TP63: variants seen among roughly 807,000 people sequenced by gnomAD.
The protein encoded by TP63 is tumor protein 63.
In TP63, 17 loss-of-function variants were observed where a neutral mutation model predicts 82.8. The observed-to-expected ratio is 0.21, with a 90% CI of 0.14 to 0.31. TP63 has a LOEUF of 0.31. Ranked by LOEUF, TP63 falls within the 10% of genes least tolerant of loss-of-function variation. TP63 has a pLI of 1.00. For synonymous variants in TP63, 330 were observed against 321.7 expected, an observed-to-expected ratio of 1.03 and a Z score of -0.28; for missense variants, 648 against 895.3, an observed-to-expected ratio of 0.72 and a Z score of 3.52.
At chr3:189,672,098 GTTATTC>G (rs1396215685) in intron 1 of TP63, among the ~76,000 whole-genome samples, 1 of 151,952 alleles carries the variant, frequency 6.6e-6, no homozygotes. Context: ...AAATATATTA[GTTATTC>G]TTATTTGATC....
At chr3:189,720,441 A>G (rs1242719304) in intron 1 of TP63, among the ~76,000 whole-genome samples, 4 of 152,198 alleles carry the variant, frequency 2.6e-5, no homozygotes, top group African/African-American at 9.7e-5. Context: ...TGTCTCCAAT[A>G]ACTTTAGATA....
chr3:189,766,783 C>T (rs1020215460), intron 3 of TP63, among the ~76,000 whole-genome samples: 3 of 152,150 alleles, frequency 2.0e-5, no homozygotes, highest in African/African-American at 7.2e-5. Context: ...AACCTACCTA[C>T]CACTTTGAAA....
At chr3:189,754,191 T>C (rs1338129095) in intron 3 of TP63, among the ~76,000 whole-genome samples, 2 of 152,112 alleles carry the variant, frequency 1.3e-5, no homozygotes, top group African/African-American at 2.4e-5. Flanking sequence ...TTTTTCTAAC[T>C]GGGACCATAA....
intron 4 of TP63, chr3:189,830,083 T>C: frequency 4.9e-6 from 1 of 202,450 alleles, no homozygotes; most frequent in South Asian, 7.7e-5. Flanking sequence ...TTAGTAGGGT[T>C]GGAATAGGAT....
intron 1 of TP63, among the ~76,000 whole-genome samples, chr3:189,688,946 G>A (rs913729498): frequency 1.3e-5 from 2 of 151,958 alleles, no homozygotes; most frequent in Non-Finnish European, 1.5e-5. Flanking sequence ...TACAATGGCA[G>A]CGACTAAGTC....
chr3:189,813,036 C>A (rs1168186588), intron 4 of TP63, among the ~76,000 whole-genome samples: 1 of 152,146 alleles, frequency 6.6e-6, no homozygotes, highest in South Asian at 2.1e-4. Context: ...CCGAAGCCTG[C>A]CCAAGCAGAT....
chr3:189,885,188 A>G (rs1220144182), intron 10 of TP63, among the ~76,000 whole-genome samples: 1 of 152,206 alleles, frequency 6.6e-6, no homozygotes, highest in Non-Finnish European at 1.5e-5. Context: ...AACAGACTAG[A>G]CACTTGCTTA....
At chr3:189,875,343 G>A (rs1718919980) in intron 10 of TP63, among the ~76,000 whole-genome samples, 1 of 151,652 alleles carries the variant, frequency 6.6e-6, no homozygotes. Context: ...CAAGGTGGGT[G>A]GATCACGAGG....
chr3:189,873,037 G>A, intron 10 of TP63, 42 bp downstream of exon 10: 1 of 1,613,766 alleles, frequency 6.2e-7, no homozygotes, highest in Non-Finnish European at 8.5e-7. Flanking sequence ...ATGAGTGAGG[G>A]TGACTTTATT....
At chr3:189,692,958 T>C (rs998783189) in intron 1 of TP63, among the ~76,000 whole-genome samples, 2 of 152,180 alleles carry the variant, frequency 1.3e-5, no homozygotes, top group Admixed American at 6.6e-5. Flanking sequence ...TCATGTCCTG[T>C]AAATGGACGA....
intron 1 of TP63, among the ~76,000 whole-genome samples, chr3:189,691,338 C>CAAAAAAAAAAAAAAAAAAAAAAAAAA (rs781098833): frequency 8.9e-5 from 6 of 67,106 alleles, no homozygotes; most frequent in Non-Finnish European, 1.7e-4. Context: ...GACTCCATCT[C>CAAAAAAAAAAAAAAAAAAAAAAAAAA]AAAAAAAAAA....
chr3:189,774,365 A>G (rs1245269757), intron 3 of TP63, among the ~76,000 whole-genome samples: 1 of 152,240 alleles, frequency 6.6e-6, no homozygotes, highest in East Asian at 1.9e-4. Flanking sequence ...CCTGTAGAAC[A>G]CAAATTTTAT....
chr3:189,619,563 T>C, the TP63 span, among the ~76,000 whole-genome samples: 2 of 152,172 alleles, frequency 1.3e-5, no homozygotes. Context: ...ACCAAAGATG[T>C]CCTCTGACTC....
rs146025054 is a variant in TP63 at position 189,864,985 on chromosome 3, C to T, written c.766+567C>T. 6.6e-3 allele frequency among the ~76,000 whole-genome samples: 995 copies of T among 151,460 alleles called. 2 individuals carry two copies. Among genetic ancestry groups the T allele is most frequent in the Non-Finnish European group, 0.01 (702 of 67,948 alleles). On this transcript the variant is annotated intron_variant, in intron 5 of 13. Transcript: ENST00000264731. ...TGGCACCACTGCACTCCAGTCTGGG[C>T]GACAGAGCGAGACTCCATCTCAAAA... is the stretch of plus-strand genomic sequence containing the variant.
intron 1 of TP63, among the ~76,000 whole-genome samples, chr3:189,655,631 G>T (rs998239645): frequency 6.6e-6 from 1 of 151,934 alleles, no homozygotes; most frequent in Admixed American, 6.6e-5. Context: ...CAAAAAAAAA[G>T]AAAAAATAAA....
intron 1 of TP63, among the ~76,000 whole-genome samples, chr3:189,714,196 C>T (rs1165271583): frequency 6.6e-6 from 1 of 152,146 alleles, no homozygotes; most frequent in African/African-American, 2.4e-5. Flanking sequence ...ACAGGACCCT[C>T]ATAAGGTGGA....
At chr3:189,606,170 C>A in the TP63 span, among the ~76,000 whole-genome samples, 1 of 152,252 alleles carries the variant, frequency 6.6e-6, no homozygotes, top group South Asian at 2.1e-4. Context: ...AGTCTAAATT[C>A]ACTCTACTTT....
At chr3:189,830,760 G>T (rs991595502) in intron 4 of TP63, among the ~76,000 whole-genome samples, 3 of 152,054 alleles carry the variant, frequency 2.0e-5, no homozygotes, top group Admixed American at 1.3e-4. Context: ...AATATGTGAC[G>T]CAAGAAAAAA....
rs1027969426 is a variant in TP63, at chr3:189,760,990, T to C, written c.324+22216T>C. On this transcript the variant is annotated intron_variant, in intron 3 of 13. Coordinates refer to ENST00000264731, the MANE Select transcript of TP63 (RefSeq NM_003722.5). Reference sequence around the variant, plus strand: ...CTACATTGCCCCTCTCAGCCACAGGTAGAATGGCTGGGATGCAGGGCACCA... The same window carrying C: ...CTACATTGCCCCTCTCAGCCACAGGCAGAATGGCTGGGATGCAGGGCACCA... Among the ~76,000 whole-genome samples the C allele has an allele frequency of 1.5e-4, 23 of 152,226 alleles. 1 individual carries two copies. The East Asian group carries it at 2.3e-3, about 15-fold the overall frequency.
Sources: allele counts gnomAD v4.1 joint callset (sites outside exome capture counted in the v4.1 genomes callset), GRCh38; gene constraint gnomAD v4.1.1; transcripts MANE v1.5; gene names NCBI Gene and HGNC (gene_info 2026-07-23, HGNC 2026-07-21).